PCMTD1: variants seen among roughly 807,000 people sequenced by gnomAD.
The protein encoded by PCMTD1 is protein-L-isoaspartate (D-aspartate) O-methyltransferase domain containing 1.
In PCMTD1, 12 loss-of-function variants were observed where a neutral mutation model predicts 37.6. That is an observed-to-expected ratio of 0.32 (90% CI 0.20 to 0.52). PCMTD1 has a LOEUF of 0.52. Among genes scored for constraint, PCMTD1 ranks in the 20% least tolerant of loss-of-function variants. The pLI, the probability that PCMTD1 is intolerant of heterozygous loss-of-function variation, is 0.97. For synonymous variants in PCMTD1, 117 were observed against 135.8 expected (o/e 0.86, Z 0.96); for missense variants, 235 against 421.3 (o/e 0.56, Z 3.87).
At chr8:51,850,884 A>C (rs1399724321) in intron 2 of PCMTD1, among the ~76,000 whole-genome samples, 1 of 152,182 alleles carries the variant, frequency 6.6e-6, no homozygotes, top group East Asian at 1.9e-4. Context: ...AGTAAAGGGT[A>C]AAAAGTCGAC....
At chr8:51,872,843 A>G (rs2038658514) in intron 1 of PCMTD1, among the ~76,000 whole-genome samples, 1 of 152,218 alleles carries the variant, frequency 6.6e-6, no homozygotes, top group Non-Finnish European at 1.5e-5. Context: ...GTACTGTGGA[A>G]TGCAAAACTG....
At chr8:51,849,094 A>G (rs2038265929) in intron 2 of PCMTD1, 1 of 152,198 alleles carries the variant, frequency 6.6e-6, no homozygotes, top group Non-Finnish European at 1.5e-5. Context: ...AATAAAACAG[A>G]AAACTGAAAA....
At position 51,839,403 on chromosome 8, in the gene PCMTD1, C is replaced by T. The variant is rs141061958; in HGVS notation, c.411-5714G>A. 550 of 959,374 alleles carry T rather than the reference C, an allele frequency of 5.7e-4. 2 individuals carry two copies. In the African/African-American group the frequency reaches 9.0e-3, roughly 16 times the overall value. 59.4% of individuals were successfully genotyped at this position (959,374 alleles called of 1,614,324 possible). A position where few individuals can be genotyped will look rare whatever the true frequency, so the allele number is the denominator to read the frequency against. ...AGCACACAGATATCTCGGTTTAGAACATGAAGACTTGCCCAAAATAACACC... is the reference window on the plus strand; with the variant it reads ...AGCACACAGATATCTCGGTTTAGAATATGAAGACTTGCCCAAAATAACACC... On this transcript the variant is annotated intron_variant, in intron 3 of 5. Transcript: ENST00000522514.
intron 2 of PCMTD1, among the ~76,000 whole-genome samples, chr8:51,858,598 A>G (rs1372998776): frequency 1.3e-5 from 2 of 152,224 alleles, no homozygotes; most frequent in African/African-American, 4.8e-5. Flanking sequence ...GTAAAGATAA[A>G]GCTTCCTCAG....
chr8:51,883,124 G>GAGAT, intron 1 of PCMTD1, among the ~76,000 whole-genome samples: 1 of 152,042 alleles, frequency 6.6e-6, no homozygotes, highest in East Asian at 1.9e-4. Context: ...GCGACACAGC[G>GAGAT]AGATTCCGTC....
At chr8:51,820,754 TAAC>T in intron 5 of PCMTD1, 36 bp from the exon 6 acceptor site, 1 of 1,526,704 alleles carries the variant, frequency 6.6e-7, no homozygotes, top group East Asian at 2.4e-5. Flanking sequence ...AAGAAAATAT[TAAC>T]AATAAAACAT....
intron 1 of PCMTD1, among the ~76,000 whole-genome samples, chr8:51,893,021 G>A (rs555153939): frequency 6.6e-6 from 1 of 152,184 alleles, no homozygotes; most frequent in South Asian, 2.1e-4. Context: ...ATTATTTTAA[G>A]CTCACTTACA....
At chr8:51,898,115 G>A (rs957774053) in intron 1 of PCMTD1, among the ~76,000 whole-genome samples, 9 of 151,972 alleles carry the variant, frequency 5.9e-5, no homozygotes, top group Admixed American at 3.9e-4. Context: ...AAAATAAATA[G>A]GGGAAAAACA....
chr8:51,875,749 G>C (rs753224691), intron 1 of PCMTD1, among the ~76,000 whole-genome samples: 30 of 152,262 alleles, frequency 2.0e-4, no homozygotes, highest in South Asian at 1.5e-3. Context: ...GGGCAACATG[G>C]AGAGACCTCA....
intron 1 of PCMTD1, among the ~76,000 whole-genome samples, chr8:51,885,037 A>G (rs2038845103): frequency 6.6e-6 from 1 of 152,206 alleles, no homozygotes; most frequent in African/African-American, 2.4e-5. Context: ...AAATTACTGC[A>G]TGATTTCTCT....
chr8:51,820,837 T>A, intron 5 of PCMTD1, 119 bp from the exon 6 acceptor site: 1 of 1,174,040 alleles, frequency 8.5e-7, no homozygotes, highest in Middle Eastern at 2.8e-4. Context: ...ACAGAAAATA[T>A]GAAAACTCTA....
Position 51,817,963 on chromosome 8 carries a change from G to GT in PCMTD1, c.*2387dup, listed in dbSNP as rs1585772638. 1 of 456,582 alleles carries GT rather than the reference G, an allele frequency of 2.2e-6. No individual in the cohort carries two copies. The highest frequency in any genetic ancestry group is 4.4e-6 in the Non-Finnish European group (1 of 226,898). 28.3% of individuals were successfully genotyped at this position (456,582 alleles called of 1,614,324 possible). A position where few individuals can be genotyped will look rare whatever the true frequency, so the allele number is the denominator to read the frequency against. Reference sequence around the variant, plus strand: ...ACACCCAAATTAGATGATACTTACTGTTTTAACTAGCTATAAAATTCCAAT... The same window carrying GT: ...ACACCCAAATTAGATGATACTTACTGTTTTTAACTAGCTATAAAATTCCAAT... On this transcript the variant is annotated 3_prime_UTR_variant, in exon 6 of 6. Coordinates refer to ENST00000522514, the MANE Select transcript of PCMTD1 (RefSeq NM_052937.4).
chr8:51,854,978 G>A (rs145969298), intron 2 of PCMTD1, among the ~76,000 whole-genome samples: 8,215 of 149,432 alleles, frequency 0.055, 246 homozygotes, highest in African/African-American at 0.082. Flanking sequence ...AGTTCGAGAC[G>A]AGCCTGACCA....
Position 51,896,883 on chromosome 8 carries a change from CA to C in PCMTD1, c.-96+2046del, listed in dbSNP as rs34125033. ...TCCTGAATATAAACACGCACTATTA[CA>C]AAAAAAAAAAAAAAGCAATGGGATC... On this transcript the variant is annotated intron_variant, in intron 1 of 5. Coordinates refer to ENST00000522514, the MANE Select transcript of PCMTD1 (RefSeq NM_052937.4). Among the ~76,000 whole-genome samples, 302 of 128,898 alleles carry C rather than the reference CA, an allele frequency of 2.3e-3. 1 individual carries two copies. The highest frequency in any genetic ancestry group is 7.8e-3 in the African/African-American group (233 of 29,942). The allele number at this position is 128,898 out of a possible 152,430, so 84.6% of individuals were successfully genotyped here.
chr8:51,850,108 T>G, intron 2 of PCMTD1: 1 of 702,250 alleles, frequency 1.4e-6, no homozygotes, highest in Admixed American at 2.0e-5. Flanking sequence ...AGAAAGATAG[T>G]AGATTAAAGG....
intron 1 of PCMTD1, among the ~76,000 whole-genome samples, chr8:51,895,178 A>G (rs1319217968): frequency 6.6e-6 from 1 of 152,210 alleles, no homozygotes. Flanking sequence ...ACATCTATCT[A>G]TACTTCAGGA....
chr8:51,869,177 A>G (rs1052622278), intron 1 of PCMTD1, among the ~76,000 whole-genome samples: 7 of 152,180 alleles, frequency 4.6e-5, no homozygotes, highest in Non-Finnish European at 7.3e-5. Context: ...TACTGTGATA[A>G]TTCAATAATA....
At chr8:51,891,415 C>T (rs552271895) in intron 1 of PCMTD1, among the ~76,000 whole-genome samples, 3 of 151,928 alleles carry the variant, frequency 2.0e-5, no homozygotes, top group Admixed American at 6.5e-5. Context: ...AACAATTAGC[C>T]GGGCATCGTG....
intron 3 of PCMTD1, among the ~76,000 whole-genome samples, chr8:51,834,199 C>T (rs887792182): frequency 2.6e-5 from 4 of 152,146 alleles, no homozygotes; most frequent in African/African-American, 9.7e-5. Context: ...TGACCACATA[C>T]CCCTGCAACC....
Sources: gnomAD v4.1 joint callset for allele counts (sites outside exome capture counted in the v4.1 genomes callset) on GRCh38, gnomAD v4.1.1 for gene constraint, MANE v1.5 for transcripts, NCBI Gene and HGNC (gene_info 2026-07-23, HGNC 2026-07-21) for gene names.